UBAC2: variants seen among roughly 807,000 people sequenced by gnomAD.
The protein encoded by UBAC2 is UBA domain containing 2, also known as ubiquitin-associated domain-containing protein 2.
A neutral mutation model predicts 44.0 loss-of-function variants in UBAC2; 26 were observed. The observed-to-expected ratio is 0.59, with a 90% CI of 0.43 to 0.82. The LOEUF is 0.82. UBAC2 is among the 40% of genes least tolerant of loss of function. The pLI, the probability that UBAC2 is intolerant of heterozygous loss-of-function variation, is 0.00. For synonymous variants in UBAC2, 155 were observed against 154.3 expected (o/e 1.00, Z -0.04); for missense variants, 329 against 419.4 (o/e 0.78, Z 1.88).
intron 1 of UBAC2, among the ~76,000 whole-genome samples, chr13:99,205,201 T>G (rs1181868844): frequency 6.6e-6 from 1 of 152,172 alleles, no homozygotes; most frequent in East Asian, 1.9e-4. Flanking sequence ...TGTGCCCGGT[T>G]GGGGGAGTTT....
chr13:99,366,539 CT>C, intron 7 of UBAC2, among the ~76,000 whole-genome samples: 1 of 152,160 alleles, frequency 6.6e-6, no homozygotes, highest in East Asian at 1.9e-4. Context: ...TATAGTATAA[CT>C]TGAACCCCAA....
intron 3 of UBAC2, 37 bp from the exon 4 acceptor site, chr13:99,244,478 C>A (rs1252159381): frequency 2.9e-6 from 4 of 1,384,764 alleles, no homozygotes; most frequent in Non-Finnish European, 4.1e-6. Context: ...TTTTAGGAGA[C>A]TCATCTCTAT....
intron 1 of UBAC2, among the ~76,000 whole-genome samples, chr13:99,204,085 C>T (rs1468132816): frequency 3.3e-5 from 5 of 152,180 alleles, no homozygotes; most frequent in Non-Finnish European, 7.3e-5. Context: ...TATTAATAAG[C>T]TCCTATTTAC....
At chr13:99,308,194 A>T (rs2044364294) in intron 4 of UBAC2, among the ~76,000 whole-genome samples, 1 of 152,216 alleles carries the variant, frequency 6.6e-6, no homozygotes, top group African/African-American at 2.4e-5. Flanking sequence ...TGATGTTTAC[A>T]CTTAGTCAGG....
intron 7 of UBAC2, among the ~76,000 whole-genome samples, chr13:99,347,278 A>G (rs1185485944): frequency 7.5e-6 from 1 of 132,584 alleles, no homozygotes; most frequent in Non-Finnish European, 1.6e-5. Context: ...CAGGAAGAGT[A>G]GGTGTTTCAG....
intron 4 of UBAC2, among the ~76,000 whole-genome samples, chr13:99,260,991 T>G (rs2043652266): frequency 6.6e-6 from 1 of 152,230 alleles, no homozygotes; most frequent in South Asian, 2.1e-4. Flanking sequence ...TTAAGCCAGT[T>G]TTTAATGAGA....
chr13:99,285,444 G>A (rs147841426), intron 4 of UBAC2, among the ~76,000 whole-genome samples: 1 of 151,230 alleles, frequency 6.6e-6, no homozygotes, highest in African/African-American at 2.4e-5. Flanking sequence ...CCAGGCTGGA[G>A]TGCAGTGGTG....
chr13:99,294,698 A>T (rs1358538265), intron 4 of UBAC2: 1 of 164,598 alleles, frequency 6.1e-6, no homozygotes, highest in African/African-American at 2.4e-5. Flanking sequence ...ATGTTACAGT[A>T]TTAACATCTG....
intron 7 of UBAC2, among the ~76,000 whole-genome samples, chr13:99,365,818 T>G (rs1433787821): frequency 6.6e-6 from 1 of 152,236 alleles, no homozygotes; most frequent in East Asian, 1.9e-4. Flanking sequence ...GATCTATCAG[T>G]TACTGAGTTA....
At chr13:99,336,622 A>G (rs1013422907) in intron 6 of UBAC2, among the ~76,000 whole-genome samples, 4 of 151,984 alleles carry the variant, frequency 2.6e-5, no homozygotes, top group African/African-American at 9.7e-5. Context: ...TCCTATTTCT[A>G]GGCTCTTGTT....
chr13:99,329,477 G>A (rs1050515277), intron 6 of UBAC2, among the ~76,000 whole-genome samples: 1 of 152,150 alleles, frequency 6.6e-6, no homozygotes, highest in Non-Finnish European at 1.5e-5. Context: ...TAGCATTTGA[G>A]CTGTACTTGG....
chr13:99,284,878 A>G (rs542579015), intron 4 of UBAC2, among the ~76,000 whole-genome samples: 40 of 152,322 alleles, frequency 2.6e-4, no homozygotes, highest in Middle Eastern at 3.4e-3. Flanking sequence ...AATAATGTGT[A>G]GTTTTCGTAT....
chr13:99,267,358 G>A (rs1006151693), intron 4 of UBAC2, among the ~76,000 whole-genome samples: 2 of 152,030 alleles, frequency 1.3e-5, no homozygotes, highest in Non-Finnish European at 2.9e-5. Flanking sequence ...GCAATTTTTG[G>A]AGCATATTTT....
rs2044164966 is a variant in UBAC2, at chr13:99,295,947, T to C, written c.390-18150T>C. ...ATCACCAAATTTGTTGAATAGAGGG[T>C]GGTAGAGTTGATTTTTTTCCTGTTT... On this transcript the variant is annotated intron_variant, in intron 4 of 8. Transcript: ENST00000403766. The surrounding 1 kb of genome is among the most constrained non-coding windows in gnomAD (Gnocchi z 4.1). The C allele has an allele frequency of 6.2e-7, 1 of 1,613,714 alleles. No homozygotes were observed. Among genetic ancestry groups the C allele is most frequent in the Non-Finnish European group, 8.5e-7 (1 of 1,179,874 alleles).
rs137935053 is a variant in UBAC2, at chr13:99,323,616, A to G, written c.561+5547A>G. On this transcript the variant is annotated intron_variant, in intron 6 of 8. Transcript: ENST00000403766. ...CAAGTGTGATGTCAGTGCTTGTCCA[A>G]TGTACACCCCACACACACTCACATT... Among the ~76,000 whole-genome samples, 1,262 of 152,252 alleles carry G rather than the reference A, an allele frequency of 8.3e-3. 11 individuals are homozygous for G. The highest frequency in any genetic ancestry group is 0.056 in the South Asian group (271 of 4,826).
At chr13:99,367,219 T>G (rs1300643797) in intron 7 of UBAC2, among the ~76,000 whole-genome samples, 1 of 152,222 alleles carries the variant, frequency 6.6e-6, no homozygotes, top group East Asian at 1.9e-4. Context: ...TTGTCAGATT[T>G]CCCTTCACAC....
chr13:99,355,381 G>A (rs2045162655), intron 7 of UBAC2, among the ~76,000 whole-genome samples: 2 of 152,310 alleles, frequency 1.3e-5, no homozygotes, highest in Middle Eastern at 3.4e-3. Flanking sequence ...AGTCCTCGCT[G>A]TGTGGCCCTT....
At chr13:99,380,609 C>T (rs2045538518) in intron 8 of UBAC2, among the ~76,000 whole-genome samples, 1 of 152,206 alleles carries the variant, frequency 6.6e-6, no homozygotes, top group Non-Finnish European at 1.5e-5. Flanking sequence ...TGGGTAAGCA[C>T]CCATCGGAAC....
chr13:99,228,668 G>T (rs2043139474), intron 1 of UBAC2, among the ~76,000 whole-genome samples: 1 of 152,180 alleles, frequency 6.6e-6, no homozygotes, highest in Non-Finnish European at 1.5e-5. Flanking sequence ...TTTTACAGGT[G>T]AGGAAAATTG....
Sources: allele counts gnomAD v4.1 joint callset (sites outside exome capture counted in the v4.1 genomes callset), GRCh38; gene constraint gnomAD v4.1.1; non-coding constraint Gnocchi (gnomAD v3.1); transcripts MANE v1.5; gene names NCBI Gene and HGNC (gene_info 2026-07-23, HGNC 2026-07-21).